Variants in VPS9D1 observed in about 807,000 individuals in gnomAD.
The protein encoded by VPS9D1 is VPS9 domain containing 1.
In VPS9D1, 78 loss-of-function variants were observed where a neutral mutation model predicts 75.8. The observed-to-expected ratio is 1.03, with a 90% CI of 0.86 to 1.24. The LOEUF is 1.24. Ranked by LOEUF, VPS9D1 falls within the 50% of genes most tolerant of loss-of-function variation. The probability of loss-of-function intolerance (pLI) is 0.00; values close to 1 mark genes in which losing one functional copy is unlikely to be tolerated. For synonymous variants in VPS9D1, 481 were observed against 385.6 expected, an observed-to-expected ratio of 1.25 and a Z score of -2.90; for missense variants, 1,057 against 847.7, an observed-to-expected ratio of 1.25 and a Z score of -3.07.
At chr16:89,719,270 G>A (rs571522120) in intron 1 of VPS9D1, 168 bp from the exon 2 acceptor site, 12 of 693,628 alleles carry the variant, frequency 1.7e-5, no homozygotes, top group South Asian at 1.6e-4. Flanking sequence ...CCGGAACACG[G>A]TTTTCTGCGC....
intron 4 of VPS9D1, among the ~76,000 whole-genome samples, chr16:89,716,180 C>T (rs1350626575): frequency 2.0e-5 from 3 of 151,962 alleles, no homozygotes; most frequent in African/African-American, 2.4e-5. Context: ...TCCTGGCTAA[C>T]ATGGCAAAAC....
intron 2 of VPS9D1, 193 bp from the exon 3 acceptor site, chr16:89,717,015 C>CTGA (rs2061087449): frequency 4.8e-6 from 2 of 419,266 alleles, no homozygotes; most frequent in African/African-American, 6.7e-5. Flanking sequence ...CATCCCCTCA[C>CTGA]CCCGGGTAAG....
intron 6 of VPS9D1, 34 bp from the exon 7 acceptor site, chr16:89,712,133 C>T (rs900978595): frequency 3.2e-6 from 5 of 1,547,892 alleles, no homozygotes; most frequent in Admixed American, 2.0e-5. Context: ...AGCGTGGGAT[C>T]TGAGCGGGCC....
At chr16:89,710,555 G>C (rs368036101) in intron 10 of VPS9D1, 31 bp downstream of exon 10, 28 of 1,559,418 alleles carry the variant, frequency 1.8e-5, no homozygotes, top group Admixed American at 1.3e-4. Flanking sequence ...GAAGAGCTGC[G>C]GCGGCTCTCC....
Position 89,709,915 on chromosome 16 carries a change from A to C in VPS9D1, c.1259-9T>G. 1.9e-6 allele frequency: 3 copies of C among 1,599,792 alleles called. No individual in the cohort carries two copies. The highest frequency in any genetic ancestry group is 1.7e-6 in the Non-Finnish European group (2 of 1,172,494). Reference sequence around the variant, plus strand: ...CAGCGAGAGCAGCCTGTCTGCTAGGAACAGAGCCGGGGACGTCCACAGAGG... The same window carrying C: ...CAGCGAGAGCAGCCTGTCTGCTAGGCACAGAGCCGGGGACGTCCACAGAGG... On this transcript the variant is annotated splice_polypyrimidine_tract_variant and intron_variant, in intron 10 of 14. Transcript: ENST00000389386.
intron 6 of VPS9D1, 100 bp from the exon 7 acceptor site, chr16:89,712,199 C>T: frequency 6.6e-7 from 1 of 1,509,886 alleles, no homozygotes; most frequent in Non-Finnish European, 9.0e-7. Context: ...CAGGGACCTC[C>T]TCTCGGTGAG....
At chr16:89,711,685 G>T in intron 8 of VPS9D1, 197 bp downstream of exon 8, 2 of 717,460 alleles carry the variant, frequency 2.8e-6, no homozygotes, top group Non-Finnish European at 4.4e-6. Context: ...CCCTGACCTC[G>T]CCTCCTCGCT....
rs1317736800 is a variant in VPS9D1 at position 89,707,372 on chromosome 16, G to C, written c.*489C>G. ...GACACCAGCTGCACCCCAGGCCCCAGCCGGCCCTTGTTCCTGACCCAGACA... is the reference window on the plus strand; with the variant it reads ...GACACCAGCTGCACCCCAGGCCCCACCCGGCCCTTGTTCCTGACCCAGACA... On this transcript the variant is annotated 3_prime_UTR_variant, in exon 15 of 15. Coordinates refer to ENST00000389386, the MANE Select transcript of VPS9D1 (RefSeq NM_004913.3). 1 of 154,936 alleles carries C rather than the reference G, an allele frequency of 6.5e-6. No individual in the cohort carries two copies. Among genetic ancestry groups the C allele is most frequent in the African/African-American group, 2.4e-5 (1 of 41,470 alleles). The allele number at this position is 154,936 out of a possible 1,614,324, so 9.6% of individuals were successfully genotyped here.
intron 8 of VPS9D1, 166 bp downstream of exon 8, chr16:89,711,716 C>A: frequency 3.4e-6 from 3 of 891,174 alleles, no homozygotes; most frequent in Non-Finnish European, 3.3e-6. Context: ...CCACGCAGCC[C>A]TGGCCCCGCC....
In VPS9D1 at chr16:89,710,892, G is replaced by A. The variant is rs1597907338; in HGVS notation, c.952C>T (p.Pro318Ser). 1.3e-6 allele frequency: 2 copies of A among 1,499,260 alleles called. No homozygotes were observed. The highest frequency in any genetic ancestry group is 2.5e-5 in the East Asian group (1 of 40,446). 92.9% of individuals were successfully genotyped at this position (1,499,260 alleles called of 1,614,324 possible). A position where few individuals can be genotyped will look rare whatever the true frequency, so the allele number is the denominator to read the frequency against. The change falls in exon 10 of 15, where the codon CCC becomes TCC. Residue 318 changes from proline to serine, a missense_variant. Pro to Ser is a moderately conservative substitution (Grantham distance 74, BLOSUM62 -1). Transcript: ENST00000389386. The stretch of plus-strand genomic sequence containing the variant: ...CGCAGCCGTCGGCTTCCGGGGTTGG[G>A]GGTCGGGGGGCAGCAGCCTGGGGCT... Reference protein sequence around the residue: ...APAPGCCPPTPNPGSRRLRPS... With the variant: ...APAPGCCPPTSNPGSRRLRPS...
chr16:89,717,804 G>A (rs1567552832), intron 2 of VPS9D1: 2 of 456,680 alleles, frequency 4.4e-6, no homozygotes, highest in Admixed American at 2.3e-5. Flanking sequence ...GGCTCCCTAG[G>A]GAGCTGGGGC....
chr16:89,709,961 G>A, intron 10 of VPS9D1, 55 bp from the exon 11 acceptor site: 1 of 1,545,108 alleles, frequency 6.5e-7, no homozygotes, highest in Non-Finnish European at 8.7e-7. Flanking sequence ...GCTGGGTCAA[G>A]TGGCTCTAAG....
intron 2 of VPS9D1, 140 bp from the exon 3 acceptor site, chr16:89,716,962 C>A (rs568752095): frequency 4.6e-6 from 3 of 654,304 alleles, no homozygotes; most frequent in Non-Finnish European, 2.3e-6. Flanking sequence ...AGCCCACTGC[C>A]CCCCCATCCC....
intron 11 of VPS9D1, 126 bp downstream of exon 11, chr16:89,709,651 G>A: frequency 1.3e-6 from 2 of 1,493,066 alleles, no homozygotes; most frequent in South Asian, 2.5e-5. Context: ...GCACAGGCTA[G>A]GGGGAGCAAA....
At chr16:89,711,464 A>G in intron 8 of VPS9D1, 52 bp from the exon 9 acceptor site, 1 of 1,517,642 alleles carries the variant, frequency 6.6e-7, no homozygotes, top group Non-Finnish European at 8.9e-7. Flanking sequence ...CCACGACCGG[A>G]CGCGCCTCAT....
At chr16:89,714,320 G>T (rs984605457) in intron 4 of VPS9D1, among the ~76,000 whole-genome samples, 3 of 152,062 alleles carry the variant, frequency 2.0e-5, no homozygotes, top group Non-Finnish European at 4.4e-5. Context: ...CTTCCAGTGT[G>T]GCCCAGGGAA....
chr16:89,710,495 A>G, intron 10 of VPS9D1, 91 bp downstream of exon 10: 1 of 1,401,914 alleles, frequency 7.1e-7, no homozygotes, highest in Non-Finnish European at 9.6e-7. Flanking sequence ...GTCTCTGATC[A>G]ACAGACCCTT....
Position 89,707,916 on chromosome 16 carries a change from A to G in VPS9D1, c.1841T>C (p.Leu614Pro). The part of the protein sequence containing the change: ...IGEEGYCLTS[L>P]QSALSYVELL... ...CTCCACGTAGCTCAGGGCACTCTGCAGTGATGTGAGGCAGTAGCCCTCCTC... is the reference window on the plus strand; with the variant it reads ...CTCCACGTAGCTCAGGGCACTCTGCGGTGATGTGAGGCAGTAGCCCTCCTC... Residue 614 changes from leucine to proline, a missense_variant, in exon 15 of 15, where the codon CTG (leucine) becomes CCG (proline). By Grantham distance (98) the Leu-to-Pro change is moderately conservative. Coordinates refer to ENST00000389386, the MANE Select transcript of VPS9D1 (RefSeq NM_004913.3). The G allele has an allele frequency of 1.2e-6, 2 of 1,613,104 alleles. No homozygotes were observed. Among genetic ancestry groups the G allele is most frequent in the Non-Finnish European group, 1.7e-6 (2 of 1,179,948 alleles).
intron 1 of VPS9D1, 94 bp downstream of exon 1, chr16:89,720,669 C>G: frequency 8.0e-7 from 1 of 1,254,658 alleles, no homozygotes; most frequent in Middle Eastern, 3.1e-4. Flanking sequence ...TCCCAAGTCT[C>G]CAGCCCGAGC....
Sources: allele counts gnomAD v4.1 joint callset (sites outside exome capture counted in the v4.1 genomes callset), GRCh38; gene constraint gnomAD v4.1.1; transcripts MANE v1.5; gene names NCBI Gene and HGNC (gene_info 2026-07-23, HGNC 2026-07-21).